Variants in BNIP2 observed in about 807,000 individuals in gnomAD.
The protein encoded by BNIP2 is BCL2/adenovirus E1B 19 kDa protein-interacting protein 2.
A neutral mutation model predicts 43.4 loss-of-function variants in BNIP2; 36 were observed. The ratio of observed to expected loss-of-function variants is 0.83; its 90% confidence interval spans 0.64 to 1.10. The LOEUF is 1.10. Ranked by LOEUF, BNIP2 falls within the 50% of genes least tolerant of loss-of-function variation. The probability of loss-of-function intolerance (pLI) is 0.00; values close to 1 mark genes in which losing one functional copy is unlikely to be tolerated. For missense variants in BNIP2, 417 were observed against 374.1 expected (o/e 1.11, Z -0.95); for synonymous variants, 146 against 121.0 (o/e 1.21, Z -1.35).
In BNIP2 at chr15:59,662,330, T is replaced by C. The variant is rs1448064054; in HGVS notation, c.*1739A>G. The C allele has an allele frequency of 1.3e-5, 2 of 152,352 alleles. No homozygotes were observed. The highest frequency in any genetic ancestry group is 2.9e-5 in the Non-Finnish European group (2 of 68,024). The allele number at this position is 152,352 out of a possible 1,614,324, so 9.4% of individuals were successfully genotyped here. ...TTCAGAAGGAATGCCTAACTTGTTA[T>C]TGTTAGTTTGCTTCTTCAACAACAA... On this transcript the variant is annotated 3_prime_UTR_variant, in exon 10 of 10. Transcript: ENST00000607373.
At chr15:59,673,479 G>A (rs1337012171) in intron 5 of BNIP2, among the ~76,000 whole-genome samples, 1 of 152,172 alleles carries the variant, frequency 6.6e-6, no homozygotes, top group Non-Finnish European at 1.5e-5. Context: ...AGGATGGAGT[G>A]CAGTGGCGCA....
rs1433367107 is a variant in BNIP2 at position 59,689,308 on chromosome 15, A to G, written c.-231T>C. The stretch of plus-strand genomic sequence containing the variant: ...GGTACGGCGTCGGCGGCAGCAGCTG[A>G]CCCGGACACAGTGAGAAGCCCCGGC... On this transcript the variant is annotated 5_prime_UTR_variant, in exon 1 of 10. Coordinates refer to ENST00000607373, the MANE Select transcript of BNIP2 (RefSeq NM_004330.4). 1 of 1,547,076 alleles carries G rather than the reference A, an allele frequency of 6.5e-7. No individual in the cohort carries two copies. Among genetic ancestry groups the G allele is most frequent in the Non-Finnish European group, 8.7e-7 (1 of 1,145,870 alleles).
intron 7 of BNIP2, among the ~76,000 whole-genome samples, chr15:59,670,075 CCAAGA>C (rs1252648046): frequency 6.6e-6 from 1 of 152,138 alleles, no homozygotes; most frequent in African/African-American, 2.4e-5. Context: ...TGACTAACTC[CCAAGA>C]CAAAACACTT....
rs1420776089 is a variant in BNIP2, at chr15:59,663,962, T to C, written c.*107A>G. 40 of 877,456 alleles carry C rather than the reference T, an allele frequency of 4.6e-5. No individual in the cohort carries two copies. Among genetic ancestry groups the C allele is most frequent in the Non-Finnish European group, 6.7e-6 (4 of 592,866 alleles). The allele number at this position is 877,456 out of a possible 1,614,324, so 54.4% of individuals were successfully genotyped here. On this transcript the variant is annotated 3_prime_UTR_variant, in exon 10 of 10. Transcript: ENST00000607373. Reference sequence around the variant, plus strand: ...CCATTATGAAAAAGTCAAGTCTATTTTGTAACAGGTTACATAAAAATATGG... The same window carrying C: ...CCATTATGAAAAAGTCAAGTCTATTCTGTAACAGGTTACATAAAAATATGG...
chr15:59,660,933 C>T lies in BNIP2; in HGVS notation c.*3136G>A, dbSNP rs1892226357. On this transcript the variant is annotated 3_prime_UTR_variant, in exon 10 of 10. Coordinates refer to ENST00000607373, the MANE Select transcript of BNIP2 (RefSeq NM_004330.4). ...TCATGGGTATGTATTATCAACTTTT[C>T]CCCCTTCAATCCACAGTCTTTATTC... 1 of 152,160 alleles carries T rather than the reference C, an allele frequency of 6.6e-6. No individual in the cohort carries two copies. Among genetic ancestry groups the T allele is most frequent in the African/African-American group, 2.4e-5 (1 of 41,422 alleles). 9.4% of individuals were successfully genotyped at this position (152,160 alleles called of 1,614,324 possible).
chr15:59,677,229 A>G, intron 5 of BNIP2: 9 of 1,596,172 alleles, frequency 5.6e-6, no homozygotes, highest in Non-Finnish European at 7.7e-6. Flanking sequence ...CGTCTTCCAG[A>G]GTGCCAAGCC....
chr15:59,666,395 G>A (rs1485282560), intron 9 of BNIP2, among the ~76,000 whole-genome samples: 2 of 152,152 alleles, frequency 1.3e-5, no homozygotes, highest in Admixed American at 6.5e-5. Flanking sequence ...GGCTGGGCGT[G>A]GTAGCTGACG....
In BNIP2 at chr15:59,669,368, GT is replaced by G; in HGVS notation, c.708-7del. On this transcript the variant is annotated splice_polypyrimidine_tract_variant and splice_region_variant and intron_variant, in intron 7 of 9. Transcript: ENST00000607373. ...ATTTTAGATTTTTCCGTAACCTGGA[GT>G]TTAAAAAAAAAACACACACACACAA... 6.8e-7 allele frequency: 1 copy of G among 1,462,714 alleles called. No homozygotes were observed. The highest frequency in any genetic ancestry group is 9.1e-7 in the Non-Finnish European group (1 of 1,094,742). The allele number at this position is 1,462,714 out of a possible 1,614,324, so 90.6% of individuals were successfully genotyped here. A position where few individuals can be genotyped will look rare whatever the true frequency, so the allele number is the denominator to read the frequency against.
intron 9 of BNIP2, among the ~76,000 whole-genome samples, chr15:59,667,412 A>C (rs2141989033): frequency 6.6e-6 from 1 of 152,338 alleles, no homozygotes; most frequent in Admixed American, 6.5e-5. Flanking sequence ...CGTTTTTCTA[A>C]ATTATTATAC....
Position 59,664,135 on chromosome 15 carries a change from AT to A in BNIP2, c.894-16del. On this transcript the variant is annotated splice_polypyrimidine_tract_variant and intron_variant, in intron 9 of 9. Transcript: ENST00000607373. ...CTTGATCAACTCTGTTTAATGAAGAATATATAAAATAAGAAACCAGCAACTG... is the reference window on the plus strand; with the variant it reads ...CTTGATCAACTCTGTTTAATGAAGAAATATAAAATAAGAAACCAGCAACTG... 2 of 1,484,474 alleles carry A rather than the reference AT, an allele frequency of 1.3e-6. No individual in the cohort carries two copies. The highest frequency in any genetic ancestry group is 1.8e-6 in the Non-Finnish European group (2 of 1,100,128). The allele number at this position is 1,484,474 out of a possible 1,614,324, so 92.0% of individuals were successfully genotyped here.
At chr15:59,688,848 G>A (rs1396095519) in intron 1 of BNIP2, 4 of 1,525,580 alleles carry the variant, frequency 2.6e-6, no homozygotes, top group Admixed American at 2.0e-5. Flanking sequence ...GCGGAGGAGG[G>A]GCAAGGTTCC....
At chr15:59,687,648 C>G (rs1442363043) in intron 1 of BNIP2, among the ~76,000 whole-genome samples, 2 of 152,168 alleles carry the variant, frequency 1.3e-5, no homozygotes, top group African/African-American at 4.8e-5. Flanking sequence ...AACAAGACAT[C>G]TTTCAATCTA....
rs1893423589 is a variant in BNIP2, at chr15:59,678,084, T to C, written c.299A>G (p.Asp100Gly). The C allele has an allele frequency of 1.3e-6, 2 of 1,598,376 alleles. No homozygotes were observed. Among genetic ancestry groups the C allele is most frequent in the Non-Finnish European group, 1.7e-6 (2 of 1,175,598 alleles). ...TTCAGTAGTCTTGGGTTTTGGAAGA[T>C]CATCTGTCAAAATACAAAGTTTTTG... Reference protein sequence around the residue: ...ENSNEFEWEDDLPKPKTTEVI... With the variant: ...ENSNEFEWEDGLPKPKTTEVI... The change falls in exon 5 of 10, where the codon GAT becomes GGT. Residue 100 changes from aspartate (D) to glycine (G), a missense_variant. Coordinates refer to ENST00000607373, the MANE Select transcript of BNIP2 (RefSeq NM_004330.4).
intron 9 of BNIP2, among the ~76,000 whole-genome samples, chr15:59,664,476 G>T (rs1489983266): frequency 6.6e-6 from 1 of 152,056 alleles, no homozygotes; most frequent in Non-Finnish European, 1.5e-5. Flanking sequence ...CCGCCTCCTG[G>T]GTTCACACCA....
chr15:59,688,912 G>C, intron 1 of BNIP2: 1 of 1,464,568 alleles, frequency 6.8e-7, no homozygotes, highest in Non-Finnish European at 9.0e-7. Flanking sequence ...GGGCCAAACT[G>C]CCAAATACAA....
In BNIP2 at chr15:59,680,334, AT is replaced by A. The variant is rs1893587734; in HGVS notation, c.51-27del. ...CTAGAAGACACAGGCATACTTTTTAATCCAGAAATTAAGAAAGAATTTTTTT... is the reference window on the plus strand; with the variant it reads ...CTAGAAGACACAGGCATACTTTTTAACCAGAAATTAAGAAAGAATTTTTTT... On this transcript the variant is annotated intron_variant, in intron 2 of 9. Transcript: ENST00000607373. The A allele has an allele frequency of 5.2e-6, 8 of 1,550,152 alleles. No homozygotes were observed. The Middle Eastern group carries it at 5.1e-4, about 99-fold the overall frequency.
At chr15:59,666,781 G>A (rs1335411219) in intron 9 of BNIP2, among the ~76,000 whole-genome samples, 1 of 151,260 alleles carries the variant, frequency 6.6e-6, no homozygotes, top group African/African-American at 2.4e-5. Flanking sequence ...AAAACAGAAC[G>A]TTTTTGAAAG....
chr15:59,680,506 T>G (rs1414379031), intron 2 of BNIP2, among the ~76,000 whole-genome samples, 198 bp from the exon 3 acceptor site: 1 of 152,226 alleles, frequency 6.6e-6, no homozygotes, highest in African/African-American at 2.4e-5. Flanking sequence ...CACTGCAGCC[T>G]TAACTCCTGG....
intron 1 of BNIP2, among the ~76,000 whole-genome samples, chr15:59,687,352 C>CT (rs35912734): frequency 1.2e-3 from 172 of 137,766 alleles, no homozygotes; most frequent in Non-Finnish European, 1.4e-3. Flanking sequence ...TCTTTTCATC[C>CT]TTTTTTTTTT....
Sources: allele counts gnomAD v4.1 joint callset (sites outside exome capture counted in the v4.1 genomes callset), GRCh38; gene constraint gnomAD v4.1.1; transcripts MANE v1.5; gene names NCBI Gene and HGNC (gene_info 2026-07-23, HGNC 2026-07-21).